The following JSRP1 variants were observed in gnomAD, a reference collection of about 807,000 sequenced individuals.
The protein encoded by JSRP1 is junctional sarcoplasmic reticulum protein 1.
Under a neutral mutation model 21.4 loss-of-function variants are expected in JSRP1, and 29 were observed. That is an observed-to-expected ratio of 1.36 (90% CI 1.01 to 1.85). The LOEUF is 1.85. Among genes scored for constraint, JSRP1 ranks in the 40% most tolerant of loss-of-function variants. The probability of loss-of-function intolerance (pLI) is 0.00; values close to 1 mark genes in which losing one functional copy is unlikely to be tolerated. For missense variants in JSRP1, 531 were observed against 461.5 expected (o/e 1.15, Z -1.38); for synonymous variants, 221 against 206.1 (o/e 1.07, Z -0.62).
chr19:2,255,473 A>T (rs2145040309), intron 1 of JSRP1, 129 bp from the exon 2 acceptor site: 1 of 560,090 alleles, frequency 1.8e-6, no homozygotes, highest in East Asian at 3.0e-5. Flanking sequence ...CGGCAAATTC[A>T]TACTCATGCC....
rs529179088 is a variant in JSRP1, at chr19:2,253,020, G to C, written c.437-17C>G. ...GGACGGCGTCTGCAGCGACAGGGTCGGGACCCGAGTCAGCTGGGCCGAGGC... is the reference window on the plus strand; with the variant it reads ...GGACGGCGTCTGCAGCGACAGGGTCCGGACCCGAGTCAGCTGGGCCGAGGC... On this transcript the variant is annotated splice_polypyrimidine_tract_variant and intron_variant, in intron 5 of 6. Transcript: ENST00000300961. 2.1e-5 allele frequency: 33 copies of C among 1,574,976 alleles called. No homozygotes were observed. Among genetic ancestry groups the C allele is most frequent in the Non-Finnish European group, 2.9e-5 (33 of 1,156,544 alleles).
rs2025105916 is a variant in JSRP1 at position 2,253,791 on chromosome 19, G to A, written c.265C>T (p.Pro89Ser). 1.4e-6 allele frequency: 2 copies of A among 1,388,796 alleles called. No homozygotes were observed. The highest frequency in any genetic ancestry group is 3.3e-5 in the South Asian group (2 of 60,028). The allele number at this position is 1,388,796 out of a possible 1,614,324, so 86.0% of individuals were successfully genotyped here. Residue 89 changes from proline to serine, a missense_variant and splice_region_variant, in exon 5 of 7, where the codon CCT becomes TCT. By Grantham distance (74) the Pro-to-Ser change is moderately conservative (BLOSUM62 -1). Coordinates refer to ENST00000300961, the MANE Select transcript of JSRP1 (RefSeq NM_144616.4). ...GKERLKAGAS[P>S]RSVPARKKAQ... ...TTCTTGCGCGCGGGGACGCTCCGAG[G>A]GCCTGCGGGGGCAAGTGCGCGCTGC...
chr19:2,253,301 G>A (rs2025092317), intron 5 of JSRP1, among the ~76,000 whole-genome samples: 1 of 152,232 alleles, frequency 6.6e-6, no homozygotes, highest in South Asian at 2.1e-4. Flanking sequence ...CTCACGAGCT[G>A]AGCGGTCCCC....
chr19:2,253,081 A>G (rs760290980), intron 5 of JSRP1, 78 bp from the exon 6 acceptor site: 4 of 1,016,746 alleles, frequency 3.9e-6, no homozygotes, highest in Non-Finnish European at 5.9e-6. Context: ...TCACCCCTAG[A>G]GCCCCCCTCC....
At chr19:2,253,927 G>A in intron 4 of JSRP1, 134 bp from the exon 5 acceptor site, 3 of 1,083,116 alleles carry the variant, frequency 2.8e-6, no homozygotes, top group Non-Finnish European at 3.7e-6. Context: ...CCGGGCGCAG[G>A]TGAACCCAGC....
At position 2,254,212 on chromosome 19, in the gene JSRP1, C is replaced by T; in HGVS notation, c.237G>A (p.Gly79=). The part of the protein sequence containing the change: ...EPAARGTPGT[G]KERLKAGASP... ...TCGCTCCGGCTTTCAGCCTCTCCTT[C>T]CCCGTTCCTGGGGTCCCCCTGGCGG... The change falls in exon 4 of 7, where the codon GGG becomes GGA. Residue 79 remains glycine, a synonymous_variant. Transcript: ENST00000300961. 1 of 1,606,516 alleles carries T rather than the reference C, an allele frequency of 6.2e-7. No homozygotes were observed. The highest frequency in any genetic ancestry group is 8.5e-7 in the Non-Finnish European group (1 of 1,176,526).
Position 2,253,772 on chromosome 19 carries a change from C to G in JSRP1, c.284G>C (p.Arg95Pro). The change falls in exon 5 of 7, where the codon CGC becomes CCC. Residue 95 changes from arginine (R) to proline (P), a missense_variant. Physicochemically the swap from Arg to Pro is moderately radical, Grantham distance 103. Transcript: ENST00000300961. Reference protein sequence around the residue: ...AGASPRSVPARKKAQTAPPLQ... With the variant: ...AGASPRSVPAPKKAQTAPPLQ... ...GGGCGGCGCGGTCTGCGCCTTCTTG[C>G]GCGCGGGGACGCTCCGAGGGCCTGC... is the stretch of plus-strand genomic sequence containing the variant. 2 of 1,424,054 alleles carry G rather than the reference C, an allele frequency of 1.4e-6. No homozygotes were observed. The highest frequency in any genetic ancestry group is 1.8e-6 in the Non-Finnish European group (2 of 1,101,664). The allele number at this position is 1,424,054 out of a possible 1,614,324, so 88.2% of individuals were successfully genotyped here.
rs763921279 is a variant in JSRP1, at chr19:2,253,785, T to C, written c.271A>G (p.Ser91Gly). Reference sequence around the variant, plus strand: ...TGCGCCTTCTTGCGCGCGGGGACGCTCCGAGGGCCTGCGGGGGCAAGTGCG... The same window carrying C: ...TGCGCCTTCTTGCGCGCGGGGACGCCCCGAGGGCCTGCGGGGGCAAGTGCG... The part of the protein sequence containing the change: ...ERLKAGASPR[S>G]VPARKKAQTA... The change falls in exon 5 of 7, where the codon AGC (serine) becomes GGC (glycine). Residue 91 changes from serine to glycine, a missense_variant. By Grantham distance (56) the Ser-to-Gly change is moderately conservative (BLOSUM62 0). Transcript: ENST00000300961. The C allele has an allele frequency of 3.3e-5, 46 of 1,399,338 alleles. No homozygotes were observed. The highest frequency in any genetic ancestry group is 4.2e-5 in the Non-Finnish European group (46 of 1,090,078). 86.7% of individuals were successfully genotyped at this position (1,399,338 alleles called of 1,614,324 possible).
chr19:2,255,763 GCC>G (rs935197391), intron 1 of JSRP1, among the ~76,000 whole-genome samples: 2 of 152,066 alleles, frequency 1.3e-5, no homozygotes, highest in Non-Finnish European at 2.9e-5. Context: ...GCTAACAGGT[GCC>G]CCAGCCCCTC....
chr19:2,255,408 C>G (rs1290276706), intron 1 of JSRP1, 64 bp from the exon 2 acceptor site: 1 of 707,872 alleles, frequency 1.4e-6, no homozygotes, highest in Non-Finnish European at 2.3e-6. Context: ...TGGGCCTGAC[C>G]TGGAGGTTCT....
rs747506737 is a variant in JSRP1, at chr19:2,253,016, G to T, written c.437-13C>A. 1.9e-6 allele frequency: 3 copies of T among 1,584,428 alleles called. No individual in the cohort carries two copies. The highest frequency in any genetic ancestry group is 2.6e-6 in the Non-Finnish European group (3 of 1,163,776). On this transcript the variant is annotated splice_polypyrimidine_tract_variant and intron_variant, in intron 5 of 6. Transcript: ENST00000300961. Reference sequence around the variant, plus strand: ...CCAGGGACGGCGTCTGCAGCGACAGGGTCGGGACCCGAGTCAGCTGGGCCG... The same window carrying T: ...CCAGGGACGGCGTCTGCAGCGACAGTGTCGGGACCCGAGTCAGCTGGGCCG...
rs531675175 is a variant in JSRP1, at chr19:2,252,892, C to G, written c.528+20G>C. 11 of 1,604,776 alleles carry G rather than the reference C, an allele frequency of 6.9e-6. No homozygotes were observed. In the South Asian group the frequency reaches 9.9e-5, roughly 15 times the overall value. On this transcript the variant is annotated intron_variant, in intron 6 of 6. Transcript: ENST00000300961. ...GGATGAAGGTCCCAATGCCCGCGGTCAGTGGAAGGAAGCTCTTACCAGGGG... is the reference window on the plus strand; with the variant it reads ...GGATGAAGGTCCCAATGCCCGCGGTGAGTGGAAGGAAGCTCTTACCAGGGG...
rs370207749 is a variant in JSRP1, at chr19:2,252,911, C to A, written c.528+1G>T. 5.3e-4 allele frequency: 845 copies of A among 1,609,284 alleles called. 1 individual carries two copies. Among genetic ancestry groups the A allele is most frequent in the Middle Eastern group, 1.3e-3 (8 of 6,012 alleles). ...CGCGGTCAGTGGAAGGAAGCTCTTA[C>A]CAGGGGCGACGATGGCTCCCTCGGG... On this transcript the variant is annotated splice_donor_variant, in intron 6 of 6. Coordinates refer to ENST00000300961, the MANE Select transcript of JSRP1 (RefSeq NM_144616.4). LOFTEE classifies it high-confidence loss of function.
At position 2,252,677 on chromosome 19, in the gene JSRP1, G is replaced by C. The variant is rs775356580; in HGVS notation, c.648C>G (p.Gly216=). 1 of 1,612,038 alleles carries C rather than the reference G, an allele frequency of 6.2e-7. No homozygotes were observed. Residue 216 remains glycine (G), a synonymous_variant, in exon 7 of 7, where the codon GGC becomes GGG. Coordinates refer to ENST00000300961, the MANE Select transcript of JSRP1 (RefSeq NM_144616.4). The part of the protein sequence containing the change: ...EAAENDEEEP[G]EATGEAVRED... ...CCCGGACGGCCTCTCCGGTGGCCTC[G>C]CCGGGCTCCTCTTCGTCGTTCTCTG... is the stretch of plus-strand genomic sequence containing the variant.
At chr19:2,254,157 A>C in intron 4 of JSRP1, 30 bp downstream of exon 4, 1 of 1,529,628 alleles carries the variant, frequency 6.5e-7, no homozygotes, top group East Asian at 2.3e-5. Flanking sequence ...TTCCCACCCC[A>C]CACCTCACCC....
chr19:2,253,737 G>A lies in JSRP1; in HGVS notation c.319C>T (p.Pro107Ser), dbSNP rs939302497. 16 of 1,486,768 alleles carry A rather than the reference G, an allele frequency of 1.1e-5. No homozygotes were observed. Among genetic ancestry groups the A allele is most frequent in the Middle Eastern group, 2.3e-4 (1 of 4,400 alleles). The allele number at this position is 1,486,768 out of a possible 1,614,324, so 92.1% of individuals were successfully genotyped here. Residue 107 changes from proline to serine, a missense_variant, in exon 5 of 7, where the codon CCG becomes TCG. Physicochemically the swap from Pro to Ser is moderately conservative, Grantham distance 74. Transcript: ENST00000300961. The part of the protein sequence containing the change: ...KAQTAPPLQP[P>S]PPPPALSEEL... ...TCGCTCAGGGCCGGGGGCGGCGGCG[G>A]CGGCTGCAGGGGCGGCGCGGTCTGC...
chr19:2,252,489 TG>T lies in JSRP1; in HGVS notation c.835del (p.Gln279SerfsTer74). 1 of 1,612,238 alleles carries T rather than the reference TG, an allele frequency of 6.2e-7. No homozygotes were observed. On this transcript the variant is annotated frameshift_variant, in exon 7 of 7. Coordinates refer to ENST00000300961, the MANE Select transcript of JSRP1 (RefSeq NM_144616.4). LOFTEE classifies it low-confidence loss of function (END_TRUNC). ...GCCCCCTTCGCGTGACTCCCAGCGC[TG>T]GGGTAGGGCTTCCCGGGGCTCCCTG... The part of the protein sequence containing the change: ...AAREPREALP[Q>X]RWESREGGHR...
chr19:2,255,281 C>G lies in JSRP1; in HGVS notation c.34G>C (p.Asp12His). Residue 12 changes from aspartate to histidine, a missense_variant, in exon 2 of 7, where the codon GAT becomes CAT. By Grantham distance (81) the Asp-to-His change is moderately conservative. Coordinates refer to ENST00000300961, the MANE Select transcript of JSRP1 (RefSeq NM_144616.4). The part of the protein sequence containing the change: ...SMTTRAWEEL[D>H]GGLGSCQALE... ...GCCTGGCAGCTGCCCAGGCCGCCAT[C>G]CAGCTCCTCCCAGGCTCTGGTTGTC... 6.2e-7 allele frequency: 1 copy of G among 1,611,278 alleles called. No homozygotes were observed. Among genetic ancestry groups the G allele is most frequent in the Non-Finnish European group, 8.5e-7 (1 of 1,178,996 alleles).
chr19:2,255,948 T>TG (rs923737904), intron 1 of JSRP1, among the ~76,000 whole-genome samples: 2 of 152,124 alleles, frequency 1.3e-5, no homozygotes, highest in African/African-American at 2.4e-5. Flanking sequence ...CGGTTGTGGT[T>TG]GGGGGTCTTC....
Sources: allele counts gnomAD v4.1 joint callset (sites outside exome capture counted in the v4.1 genomes callset), GRCh38; gene constraint gnomAD v4.1.1; transcripts MANE v1.5; gene names NCBI Gene and HGNC (gene_info 2026-07-23, HGNC 2026-07-21).